Variants in CNTFR observed in about 807,000 individuals in gnomAD.
CNTFR encodes ciliary neurotrophic factor receptor, also known as ciliary neurotrophic factor receptor subunit alpha.
CNTFR carries 12 observed loss-of-function variants against 40.4 expected under a neutral mutation model. That is an observed-to-expected ratio of 0.30 (90% CI 0.19 to 0.48). The LOEUF (loss-of-function observed/expected upper bound fraction) is 0.48, where lower values mean the gene tolerates loss of function less well. Ranked by LOEUF, CNTFR falls within the 20% of genes least tolerant of loss-of-function variation. The pLI, the probability that CNTFR is intolerant of heterozygous loss-of-function variation, is 0.99. For missense variants in CNTFR, 414 were observed against 506.8 expected (o/e 0.82, Z 1.76); for synonymous variants, 202 against 209.6 (o/e 0.96, Z 0.31).
At position 34,552,568 on chromosome 9, in the gene CNTFR, C is replaced by T. The variant is rs1472476615; in HGVS notation, c.949+106G>A. 8.0e-7 allele frequency: 1 copy of T among 1,245,882 alleles called. No homozygotes were observed. The highest frequency in any genetic ancestry group is 1.5e-5 in the African/African-American group (1 of 66,326). 77.2% of individuals were successfully genotyped at this position (1,245,882 alleles called of 1,614,324 possible). ...GGACAGACAGGCAGAAGTGTGGCTA[C>T]CCCCGGGAGCAGAGGCTGGAGGCAG... On this transcript the variant is annotated intron_variant, in intron 8 of 9. Transcript: ENST00000378980. This position sits in a 1 kb window ranked among gnomAD's most constrained non-coding sequence, Gnocchi z 5.1.
chr9:34,573,406 T>C (rs1347978281), intron 2 of CNTFR, among the ~76,000 whole-genome samples: 2 of 152,230 alleles, frequency 1.3e-5, no homozygotes, highest in Non-Finnish European at 2.9e-5. Context: ...TTTGGGTTGC[T>C]GTGGGCACGC....
At chr9:34,558,445 C>T (rs1266428082) in intron 4 of CNTFR, among the ~76,000 whole-genome samples, 8 of 152,202 alleles carry the variant, frequency 5.3e-5, no homozygotes, top group Non-Finnish European at 1.2e-4. Context: ...CCAGACTTCC[C>T]TCAGTAGAGA....
At chr9:34,577,061 GC>G (rs1827008453) in intron 2 of CNTFR, among the ~76,000 whole-genome samples, 1 of 152,214 alleles carries the variant, frequency 6.6e-6, no homozygotes, top group African/African-American at 2.4e-5. Flanking sequence ...AGCAGGCAGA[GC>G]CAGCGGTGCT....
chr9:34,569,863 A>G (rs964811150), intron 2 of CNTFR: 1 of 152,200 alleles, frequency 6.6e-6, no homozygotes, highest in Non-Finnish European at 1.5e-5. Context: ...ATGCAAGTAC[A>G]CAGGATGCAC....
At chr9:34,579,283 C>T (rs951168299) in intron 2 of CNTFR, among the ~76,000 whole-genome samples, 3 of 151,948 alleles carry the variant, frequency 2.0e-5, no homozygotes, top group Non-Finnish European at 4.4e-5. Flanking sequence ...TCAATCCGTC[C>T]GCCCGCCGCT....
intron 1 of CNTFR, among the ~76,000 whole-genome samples, chr9:34,585,549 C>T (rs1827502091): frequency 6.6e-6 from 1 of 152,218 alleles, no homozygotes; most frequent in Non-Finnish European, 1.5e-5. Flanking sequence ...ACCCCTTGGC[C>T]CCCAGAGTGC....
intron 3 of CNTFR, 107 bp from the exon 4 acceptor site, chr9:34,564,939 C>T (rs753319852): frequency 1.2e-4 from 102 of 874,572 alleles, no homozygotes; most frequent in Admixed American, 3.1e-4. Context: ...TGAGTGAGGA[C>T]GAGAGGCTCG....
At chr9:34,575,791 G>T (rs886636445) in intron 2 of CNTFR, among the ~76,000 whole-genome samples, 1 of 151,978 alleles carries the variant, frequency 6.6e-6, no homozygotes, top group Non-Finnish European at 1.5e-5. Context: ...GCCAGAGTTG[G>T]GTGGGGGGAA....
rs558690927 is a variant in CNTFR, at chr9:34,552,114, G to A, written c.*-43C>T. ...GGCCTGTCAGGGAGGGGGCTGGAGT[G>A]GGGGTTCCCTCAGGCTCCCTCTGCC... On this transcript the variant is annotated intron_variant, in intron 9 of 9. Coordinates refer to ENST00000378980, the MANE Select transcript of CNTFR (RefSeq NM_147164.3). This position sits in a 1 kb window ranked among gnomAD's most constrained non-coding sequence, Gnocchi z 5.1. 3.1e-6 allele frequency: 5 copies of A among 1,597,102 alleles called. No homozygotes were observed. The South Asian group carries it at 5.6e-5, about 18-fold the overall frequency.
In CNTFR at chr9:34,579,109, G is replaced by A. The variant is rs556699857; in HGVS notation, c.-1+1986C>T. 2.0e-5 allele frequency among the ~76,000 whole-genome samples: 3 copies of A among 152,300 alleles called. No individual in the cohort carries two copies. The East Asian group carries it at 5.8e-4, about 29-fold the overall frequency. On this transcript the variant is annotated intron_variant, in intron 2 of 9. Transcript: ENST00000378980. ...AATGCACATCCGCATGGGGTCGGGG[G>A]CACCAGACAGCTGGGGATACTCACA...
chr9:34,552,583 G>T lies in CNTFR; in HGVS notation c.949+91C>A. Reference sequence around the variant, plus strand: ...AGTGTGGCTACCCCCGGGAGCAGAGGCTGGAGGCAGCAGGGTAGAACCAGG... The same window carrying T: ...AGTGTGGCTACCCCCGGGAGCAGAGTCTGGAGGCAGCAGGGTAGAACCAGG... On this transcript the variant is annotated intron_variant, in intron 8 of 9. Transcript: ENST00000378980. The surrounding 1 kb of genome is among the most constrained non-coding windows in gnomAD (Gnocchi z 5.1). The T allele has an allele frequency of 7.4e-7, 1 of 1,351,948 alleles. No individual in the cohort carries two copies. The highest frequency in any genetic ancestry group is 1.0e-6 in the Non-Finnish European group (1 of 1,001,814). 83.7% of individuals were successfully genotyped at this position (1,351,948 alleles called of 1,614,324 possible).
At position 34,556,421 on chromosome 9, in the gene CNTFR, G is replaced by C; in HGVS notation, c.605-3C>G. On this transcript the variant is annotated splice_polypyrimidine_tract_variant and splice_region_variant and intron_variant, in intron 6 of 9. Coordinates refer to ENST00000378980, the MANE Select transcript of CNTFR (RefSeq NM_147164.3). ...ATTTTCTGGAGGATCAGGCTTCACT[G>C]TTCAGGAGACATAGCTTCATTACTA... 2 of 1,600,404 alleles carry C rather than the reference G, an allele frequency of 1.2e-6. No individual in the cohort carries two copies. The highest frequency in any genetic ancestry group is 1.7e-6 in the Non-Finnish European group (2 of 1,172,030).
chr9:34,568,882 C>A lies in CNTFR; in HGVS notation c.85+15G>T. ...CTGAGAGGGGGGTCAGCAGGCGGCTCCCGTGAGCACTCACCCTGTGGACTG... is the reference window on the plus strand; with the variant it reads ...CTGAGAGGGGGGTCAGCAGGCGGCTACCGTGAGCACTCACCCTGTGGACTG... On this transcript the variant is annotated intron_variant, in intron 3 of 9. Transcript: ENST00000378980. The A allele has an allele frequency of 6.4e-7, 1 of 1,572,426 alleles. No individual in the cohort carries two copies. The highest frequency in any genetic ancestry group is 1.2e-5 in the South Asian group (1 of 85,514).
chr9:34,554,834 C>T (rs1383840414), intron 7 of CNTFR, among the ~76,000 whole-genome samples: 1 of 152,244 alleles, frequency 6.6e-6, no homozygotes, highest in Non-Finnish European at 1.5e-5. Context: ...CACAGCAAAA[C>T]TTCAGCTGAA....
intron 1 of CNTFR, among the ~76,000 whole-genome samples, chr9:34,586,932 C>G (rs1416556801): frequency 6.6e-6 from 1 of 152,238 alleles, no homozygotes; most frequent in African/African-American, 2.4e-5. Context: ...AAAGCATGGG[C>G]ATATCTGACC....
At chr9:34,559,771 G>C (rs1825994369) in intron 4 of CNTFR, among the ~76,000 whole-genome samples, 1 of 152,198 alleles carries the variant, frequency 6.6e-6, no homozygotes, top group Non-Finnish European at 1.5e-5. Flanking sequence ...GGGTGGGGTG[G>C]GGATCGGAGT....
At chr9:34,577,676 C>G (rs1827050780) in intron 2 of CNTFR, among the ~76,000 whole-genome samples, 2 of 152,120 alleles carry the variant, frequency 1.3e-5, no homozygotes, top group African/African-American at 4.8e-5. Context: ...GGCGGTGGTC[C>G]CCTCCCCCAG....
chr9:34,577,817 T>A (rs1827057942), intron 2 of CNTFR, among the ~76,000 whole-genome samples: 1 of 148,192 alleles, frequency 6.7e-6, no homozygotes, highest in Non-Finnish European at 1.5e-5. Flanking sequence ...GCAGGGGGGC[T>A]GGGGGGAGAG....
At chr9:34,567,409 A>G (rs1262971283) in intron 3 of CNTFR, among the ~76,000 whole-genome samples, 1 of 152,172 alleles carries the variant, frequency 6.6e-6, no homozygotes, top group Non-Finnish European at 1.5e-5. Context: ...ACTTTGCCAC[A>G]CACAAAGGAA....
Sources: allele counts gnomAD v4.1 joint callset (sites outside exome capture counted in the v4.1 genomes callset), GRCh38; gene constraint gnomAD v4.1.1; non-coding constraint Gnocchi (gnomAD v3.1); transcripts MANE v1.5; gene names NCBI Gene and HGNC (gene_info 2026-07-23, HGNC 2026-07-21).